The following GRIK4 variants were observed in gnomAD, a reference collection of about 807,000 sequenced individuals.
GRIK4 encodes the protein glutamate receptor ionotropic, kainate 4.
Under a neutral mutation model 104.9 loss-of-function variants are expected in GRIK4, and 40 were observed. The ratio of observed to expected loss-of-function variants is 0.38; its 90% CI spans 0.30 to 0.50. The LOEUF (loss-of-function observed/expected upper bound fraction) is 0.50, where lower values mean the gene tolerates loss of function less well. GRIK4 is among the 20% of genes least tolerant of loss of function. The pLI, the probability that GRIK4 is intolerant of heterozygous loss-of-function variation, is 0.93. For missense variants in GRIK4, 1,047 were observed against 1,308.1 expected, an observed-to-expected ratio of 0.80 and a Z score of 3.08; for synonymous variants, 485 against 524.9, an observed-to-expected ratio of 0.92 and a Z score of 1.04.
At chr11:120,683,406 C>A (rs1020684879) in intron 3 of GRIK4, among the ~76,000 whole-genome samples, 2 of 151,664 alleles carry the variant, frequency 1.3e-5, no homozygotes, top group Non-Finnish European at 2.9e-5. Flanking sequence ...GGGGTAGGGG[C>A]GGGGAGATCA....
intron 12 of GRIK4, among the ~76,000 whole-genome samples, chr11:120,904,672 A>G (rs965200025): frequency 6.6e-6 from 1 of 152,164 alleles, no homozygotes; most frequent in Non-Finnish European, 1.5e-5. Context: ...GCTACCCTGG[A>G]AGGTCCATCG....
intron 4 of GRIK4, among the ~76,000 whole-genome samples, chr11:120,806,424 C>T (rs756473858): frequency 2.6e-5 from 4 of 152,124 alleles, no homozygotes; most frequent in East Asian, 1.9e-4. Context: ...TGCCAAAGGC[C>T]GTGGTTTGCC....
intron 3 of GRIK4, among the ~76,000 whole-genome samples, chr11:120,754,260 C>A (rs1251231447): frequency 6.6e-6 from 1 of 152,196 alleles, no homozygotes; most frequent in Non-Finnish European, 1.5e-5. Context: ...CATCTGCCTG[C>A]CTCAGCCTCC....
chr11:120,919,307 G>A (rs1943177441), intron 13 of GRIK4, among the ~76,000 whole-genome samples: 1 of 152,210 alleles, frequency 6.6e-6, no homozygotes, highest in Non-Finnish European at 1.5e-5. Flanking sequence ...TCAGCTGGGT[G>A]GTGACAATCA....
intron 1 of GRIK4, among the ~76,000 whole-genome samples, chr11:120,525,933 C>T (rs994325056): frequency 6.6e-6 from 1 of 152,128 alleles, no homozygotes; most frequent in South Asian, 2.1e-4. Context: ...AATGAAAAAC[C>T]TAATCTCACA....
chr11:120,673,034 C>T (rs939318704), intron 3 of GRIK4, among the ~76,000 whole-genome samples: 11 of 152,170 alleles, frequency 7.2e-5, no homozygotes, highest in African/African-American at 2.7e-4. Context: ...CCAGCTTTTG[C>T]CCAGTCGGTA....
At chr11:120,782,560 C>T (rs1591906809) in intron 3 of GRIK4, among the ~76,000 whole-genome samples, 2 of 152,192 alleles carry the variant, frequency 1.3e-5, no homozygotes, top group East Asian at 3.8e-4. Context: ...GCTGGGATTA[C>T]AGGCATGAGC....
chr11:120,840,374 A>T (rs1331450321), intron 8 of GRIK4, among the ~76,000 whole-genome samples: 1 of 152,152 alleles, frequency 6.6e-6, no homozygotes. Flanking sequence ...TAGAGACTTG[A>T]TCAGTGAAAC....
intron 3 of GRIK4, among the ~76,000 whole-genome samples, chr11:120,675,026 G>A (rs2135273677): frequency 6.6e-6 from 1 of 152,340 alleles, no homozygotes; most frequent in Admixed American, 6.5e-5. Context: ...ATGGTTGAAT[G>A]CCAGTTTCCC....
chr11:120,674,264 C>T (rs1404637619), intron 3 of GRIK4, among the ~76,000 whole-genome samples: 1 of 152,184 alleles, frequency 6.6e-6, no homozygotes, highest in East Asian at 1.9e-4. Flanking sequence ...TGCTTTTCAT[C>T]CACTATAGGT....
At chr11:120,648,807 GAAACAAACAAACAAAC>G (rs112945166) in intron 1 of GRIK4, among the ~76,000 whole-genome samples, 1 of 151,128 alleles carries the variant, frequency 6.6e-6, no homozygotes, top group Non-Finnish European at 1.5e-5. Context: ...CTTTTTAAGT[GAAACAAACAAACAAAC>G]AAACAAACAA....
intron 3 of GRIK4, among the ~76,000 whole-genome samples, chr11:120,779,890 C>T (rs1402071097): frequency 2.0e-5 from 3 of 152,208 alleles, no homozygotes; most frequent in Non-Finnish European, 4.4e-5. Context: ...GTTGGTAGAG[C>T]AGGAGATCTG....
chr11:120,689,003 G>A (rs1217560544), intron 3 of GRIK4, among the ~76,000 whole-genome samples: 1 of 152,106 alleles, frequency 6.6e-6, no homozygotes, highest in African/African-American at 2.4e-5. Context: ...ACAGTCTGAT[G>A]GTAGAGGCTG....
chr11:120,977,178 A>G (rs140779649), intron 19 of GRIK4, among the ~76,000 whole-genome samples: 70 of 152,292 alleles, frequency 4.6e-4, no homozygotes, highest in African/African-American at 1.5e-3. Context: ...GCGTGATTCT[A>G]TTTCAGTGAA....
intron 19 of GRIK4, among the ~76,000 whole-genome samples, chr11:120,973,799 G>C (rs1324401166): frequency 6.6e-6 from 1 of 152,196 alleles, no homozygotes; most frequent in East Asian, 1.9e-4. Context: ...AGGTGCCATT[G>C]CTTGGTCTCT....
At chr11:120,742,520 A>ATTT (rs566223500) in intron 3 of GRIK4, among the ~76,000 whole-genome samples, 9 of 96,156 alleles carry the variant, frequency 9.4e-5, no homozygotes, top group Admixed American at 6.5e-4. Flanking sequence ...TATTATTATT[A>ATTT]TTATTATTTT....
intron 3 of GRIK4, among the ~76,000 whole-genome samples, chr11:120,754,610 G>C (rs1249098262): frequency 6.6e-6 from 1 of 152,146 alleles, no homozygotes; most frequent in African/African-American, 2.4e-5. Context: ...ATATACCTAG[G>C]AGTAGAATTG....
At chr11:120,581,016 G>A (rs1948574321) in intron 1 of GRIK4, among the ~76,000 whole-genome samples, 1 of 152,126 alleles carries the variant, frequency 6.6e-6, no homozygotes, top group African/African-American at 2.4e-5. Context: ...CATTTCCCTA[G>A]CGACTTAAGA....
chr11:120,913,902 C>T (rs971182325), intron 13 of GRIK4, among the ~76,000 whole-genome samples: 1 of 150,702 alleles, frequency 6.6e-6, no homozygotes, highest in Non-Finnish European at 1.5e-5. Context: ...GATTACTTTT[C>T]ACCTTGAAGC....
Sources: allele counts gnomAD v4.1 joint callset (sites outside exome capture counted in the v4.1 genomes callset), GRCh38; gene constraint gnomAD v4.1.1; transcripts MANE v1.5; gene names NCBI Gene and HGNC (gene_info 2026-07-23, HGNC 2026-07-21).